The following QTMAN variants were observed in gnomAD, a reference collection of about 807,000 sequenced individuals.
QTMAN encodes tRNA-queuosine alpha-mannosyltransferase.
chr2:143,999,870 A>G, the QTMAN span, among the ~76,000 whole-genome samples: 2 of 152,102 alleles, frequency 1.3e-5, no homozygotes, highest in African/African-American at 4.8e-5. Flanking sequence ...TGGGCAGGAA[A>G]AGGGCAACAA....
At chr2:144,327,214 A>G in the QTMAN span, among the ~76,000 whole-genome samples, 2 of 152,262 alleles carry the variant, frequency 1.3e-5, no homozygotes, top group Admixed American at 1.3e-4. Context: ...CAGAGATCAC[A>G]TGGAAGGTCT....
chr2:144,233,920 G>A, the QTMAN span, among the ~76,000 whole-genome samples: 5 of 152,034 alleles, frequency 3.3e-5, no homozygotes, highest in South Asian at 4.2e-4. Flanking sequence ...CTGTTTAAGA[G>A]GCCAGAGACC....
chr2:144,021,673 A>G, the QTMAN span, among the ~76,000 whole-genome samples: 10 of 152,242 alleles, frequency 6.6e-5, no homozygotes, highest in African/African-American at 1.9e-4. Context: ...TGACACAGAA[A>G]CTAAGCAAAT....
chr2:144,080,547 T>C, the QTMAN span, among the ~76,000 whole-genome samples: 3 of 152,324 alleles, frequency 2.0e-5, no homozygotes, highest in African/African-American at 7.2e-5. Context: ...ATCAGCATTG[T>C]TATTATGTCT....
the QTMAN span, among the ~76,000 whole-genome samples, chr2:143,992,361 C>A: frequency 1.2e-4 from 18 of 146,386 alleles, no homozygotes; most frequent in Non-Finnish European, 2.3e-4. Flanking sequence ...GTCATCACCA[C>A]TCCCTAATCT....
At chr2:144,096,413 C>G in the QTMAN span, among the ~76,000 whole-genome samples, 1 of 152,004 alleles carries the variant, frequency 6.6e-6, no homozygotes, top group East Asian at 1.9e-4. Flanking sequence ...ACCATATGGA[C>G]CTAATTGTGG....
chr2:144,247,424 A>G, the QTMAN span, among the ~76,000 whole-genome samples: 1 of 152,248 alleles, frequency 6.6e-6, no homozygotes, highest in Non-Finnish European at 1.5e-5. Context: ...TCATCTATGA[A>G]TAATAGCTAC....
At chr2:144,299,829 A>T in the QTMAN span, among the ~76,000 whole-genome samples, 1 of 152,244 alleles carries the variant, frequency 6.6e-6, no homozygotes, top group Admixed American at 6.5e-5. Flanking sequence ...ACCTACATTC[A>T]TAGTAGCATT....
the QTMAN span, among the ~76,000 whole-genome samples, chr2:144,223,859 T>C: frequency 6.6e-6 from 1 of 152,324 alleles, no homozygotes; most frequent in East Asian, 1.9e-4. Flanking sequence ...CCTGATACTT[T>C]TGTCAAAAAT....
the QTMAN span, among the ~76,000 whole-genome samples, chr2:144,071,609 C>A: frequency 6.6e-6 from 1 of 152,062 alleles, no homozygotes; most frequent in Non-Finnish European, 1.5e-5. Context: ...TCTCCAAAAC[C>A]TACACATCTG....
chr2:144,133,498 A>G, the QTMAN span, among the ~76,000 whole-genome samples: 3 of 82,996 alleles, frequency 3.6e-5, no homozygotes, highest in Non-Finnish European at 6.5e-5. Flanking sequence ...TATATATTAT[A>G]TAATATATAT....
the QTMAN span, among the ~76,000 whole-genome samples, chr2:144,222,854 T>C: frequency 6.6e-6 from 1 of 152,148 alleles, no homozygotes; most frequent in Non-Finnish European, 1.5e-5. Flanking sequence ...TAATCATCCA[T>C]ATGTATTGCA....
At chr2:144,298,564 C>T in the QTMAN span, among the ~76,000 whole-genome samples, 2 of 152,078 alleles carry the variant, frequency 1.3e-5, no homozygotes, top group African/African-American at 4.8e-5. Flanking sequence ...GTACATGTAA[C>T]ATTAAATCTA....
At chr2:144,164,264 T>G in the QTMAN span, among the ~76,000 whole-genome samples, 1 of 151,848 alleles carries the variant, frequency 6.6e-6, no homozygotes, top group Admixed American at 6.6e-5. Context: ...GTCTTCTGTT[T>G]GTTTCTATTT....
chr2:144,164,336 G>A, the QTMAN span, among the ~76,000 whole-genome samples: 1 of 152,006 alleles, frequency 6.6e-6, no homozygotes, highest in Admixed American at 6.6e-5. Context: ...AGATGTGTAA[G>A]GTGCTTAGAC....
At chr2:144,071,301 G>A in the QTMAN span, among the ~76,000 whole-genome samples, 3 of 151,814 alleles carry the variant, frequency 2.0e-5, no homozygotes, top group Non-Finnish European at 4.4e-5. Context: ...GGGGATAGGG[G>A]TTGGGGATGT....
chr2:144,116,833 G>A, the QTMAN span, among the ~76,000 whole-genome samples: 1 of 152,200 alleles, frequency 6.6e-6, no homozygotes, highest in Admixed American at 6.5e-5. Context: ...CCCAACTGTA[G>A]TTTAGAGCAG....
chr2:143,949,353 G>C, the QTMAN span, among the ~76,000 whole-genome samples: 1 of 151,902 alleles, frequency 6.6e-6, no homozygotes, highest in South Asian at 2.1e-4. Flanking sequence ...CACTCATATT[G>C]AAAGTATAAT....
the QTMAN span, among the ~76,000 whole-genome samples, chr2:144,243,474 G>T: frequency 1.9e-3 from 293 of 152,312 alleles, 1 homozygote; most frequent in African/African-American, 6.6e-3. Context: ...TATTAGGAAT[G>T]ATAGCATTTT....
Sources: gnomAD v4.1 joint callset for allele counts (sites outside exome capture counted in the v4.1 genomes callset) on GRCh38, gnomAD v4.1.1 for gene constraint, MANE v1.5 for transcripts, NCBI Gene and HGNC (gene_info 2026-07-23, HGNC 2026-07-21) for gene names.